The following TRAPPC9 variants were observed in gnomAD, a reference collection of about 807,000 sequenced individuals.
The protein encoded by TRAPPC9 is IKK2 binding protein.
In TRAPPC9, 83 loss-of-function variants were observed where a neutral mutation model predicts 124.0. The observed-to-expected ratio is 0.67, with a 90% confidence interval of 0.56 to 0.80. The LOEUF (loss-of-function observed/expected upper bound fraction) is 0.80. Ranked by LOEUF, TRAPPC9 falls within the 30% of genes least tolerant of loss-of-function variation. TRAPPC9 has a pLI of 0.00. For missense variants in TRAPPC9, 1,302 were observed against 1,508.3 expected (o/e 0.86, Z 2.27); for synonymous variants, 638 against 617.5 (o/e 1.03, Z -0.49).
chr8:140,028,688 G>A (rs982234115), intron 17 of TRAPPC9, among the ~76,000 whole-genome samples: 8 of 152,244 alleles, frequency 5.3e-5, no homozygotes, highest in Non-Finnish European at 1.0e-4. Flanking sequence ...AGAGGAAGAA[G>A]GCACAGTGCC....
intron 17 of TRAPPC9, among the ~76,000 whole-genome samples, chr8:140,090,036 C>T (rs1199965340): frequency 6.6e-6 from 1 of 152,124 alleles, no homozygotes; most frequent in African/African-American, 2.4e-5. Flanking sequence ...GCCGAGTTCA[C>T]ACCACCGCAC....
intron 17 of TRAPPC9, among the ~76,000 whole-genome samples, chr8:140,158,895 T>C (rs1280028948): frequency 1.3e-5 from 2 of 152,224 alleles, no homozygotes; most frequent in Non-Finnish European, 2.9e-5. Flanking sequence ...ACTTAACAAA[T>C]GAGAGCTCAA....
intron 17 of TRAPPC9, among the ~76,000 whole-genome samples, chr8:140,115,355 C>G (rs1386040753): frequency 6.6e-6 from 1 of 151,790 alleles, no homozygotes; most frequent in African/African-American, 2.4e-5. Flanking sequence ...GCAACCTCTG[C>G]CTCCCAGGTT....
intron 19 of TRAPPC9, among the ~76,000 whole-genome samples, chr8:139,928,870 AATG>A (rs1455842563): frequency 6.6e-6 from 1 of 151,602 alleles, no homozygotes; most frequent in East Asian, 1.9e-4. Context: ...GGAGAGGAAG[AATG>A]CATCACAGCC....
chr8:140,190,265 G>T (rs1293128383), intron 17 of TRAPPC9, among the ~76,000 whole-genome samples: 1 of 152,150 alleles, frequency 6.6e-6, no homozygotes, highest in Non-Finnish European at 1.5e-5. Flanking sequence ...AGGCCAGCCT[G>T]ACCAACATGG....
intron 9 of TRAPPC9, among the ~76,000 whole-genome samples, chr8:140,322,539 C>A (rs986194139): frequency 1.3e-5 from 2 of 152,016 alleles, no homozygotes; most frequent in African/African-American, 4.8e-5. Flanking sequence ...CTTAAAAAGC[C>A]AACAGAAGCC....
intron 18 of TRAPPC9, among the ~76,000 whole-genome samples, chr8:139,999,654 A>T (rs1038390415): frequency 1.3e-5 from 2 of 152,180 alleles, no homozygotes; most frequent in Non-Finnish European, 2.9e-5. Flanking sequence ...AACAAGGTAG[A>T]CCACATTCTA....
At chr8:140,419,428 CAAAAAAAAAAAAAA>C (rs61155157) in intron 5 of TRAPPC9, among the ~76,000 whole-genome samples, 1 of 79,590 alleles carries the variant, frequency 1.3e-5, no homozygotes, top group Non-Finnish European at 2.4e-5. Flanking sequence ...GACTCCGTCT[CAAAAAAAAAAAAAA>C]AAAAAAAAAA....
intron 21 of TRAPPC9, among the ~76,000 whole-genome samples, chr8:139,826,521 C>A (rs1393944978): frequency 6.6e-6 from 1 of 152,132 alleles, no homozygotes; most frequent in African/African-American, 2.4e-5. Context: ...AATAAACGCA[C>A]AACTGAATGA....
At chr8:139,890,792 C>T (rs191783410) in intron 20 of TRAPPC9, among the ~76,000 whole-genome samples, 139 of 151,578 alleles carry the variant, frequency 9.2e-4, no homozygotes, top group African/African-American at 3.2e-3. Context: ...CACATGTATA[C>T]GTATGTAACT....
chr8:140,034,649 A>C (rs1344992536), intron 17 of TRAPPC9, among the ~76,000 whole-genome samples: 1 of 152,266 alleles, frequency 6.6e-6, no homozygotes, highest in Non-Finnish European at 1.5e-5. Context: ...CAAATCTCAG[A>C]GAAAGGAGAA....
chr8:140,047,166 TATAGCTCCTCAG>T (rs2132062328), intron 17 of TRAPPC9, among the ~76,000 whole-genome samples: 1 of 152,312 alleles, frequency 6.6e-6, no homozygotes. Flanking sequence ...AGGAGCTAAA[TATAGCTCCTCAG>T]ACTCCAGGGC....
chr8:139,981,910 G>A (rs13261805), intron 19 of TRAPPC9, among the ~76,000 whole-genome samples: 31,228 of 152,184 alleles, frequency 0.21, 3,981 homozygotes, highest in African/African-American at 0.37. Flanking sequence ...CAGCCGCAGC[G>A]TTTGGGTGCT....
At chr8:140,112,309 G>A (rs112194653) in intron 17 of TRAPPC9, among the ~76,000 whole-genome samples, 7 of 149,460 alleles carry the variant, frequency 4.7e-5, no homozygotes, top group Admixed American at 6.6e-5. Flanking sequence ...GGACAGGTGC[G>A]AGGAGAGTAA....
intron 17 of TRAPPC9, among the ~76,000 whole-genome samples, chr8:140,219,565 A>G (rs1000750825): frequency 1.3e-5 from 2 of 152,220 alleles, no homozygotes; most frequent in Admixed American, 1.3e-4. Context: ...CCAGCTTTTC[A>G]GGTCCTTACC....
chr8:139,860,131 T>C (rs1041205661), intron 21 of TRAPPC9, among the ~76,000 whole-genome samples: 11 of 152,176 alleles, frequency 7.2e-5, no homozygotes, highest in Admixed American at 7.2e-4. Flanking sequence ...GGACAGATGT[T>C]TGTGGAGTGA....
rs928065511 is a variant in TRAPPC9 at position 139,763,001 on chromosome 8, C to T, written c.3056-30799G>A. 2.6e-5 allele frequency among the ~76,000 whole-genome samples: 4 copies of T among 152,236 alleles called. No individual in the cohort carries two copies. In the South Asian group the frequency reaches 6.2e-4, roughly 24 times the overall value. Reference sequence around the variant, plus strand: ...AGCTGCAGCCGGGGCAGGGCCAGTGCTCACCCTGGCTTCCTGGAAGTGGGG... The same window carrying T: ...AGCTGCAGCCGGGGCAGGGCCAGTGTTCACCCTGGCTTCCTGGAAGTGGGG... On this transcript the variant is annotated intron_variant, in intron 21 of 22. Transcript: ENST00000438773.
chr8:139,861,007 G>C (rs1259622270), intron 21 of TRAPPC9, among the ~76,000 whole-genome samples: 1 of 152,264 alleles, frequency 6.6e-6, no homozygotes, highest in Non-Finnish European at 1.5e-5. Context: ...CGGCTTTCTG[G>C]CACTTTCCCA....
chr8:140,197,658 T>C (rs960683035), intron 17 of TRAPPC9, among the ~76,000 whole-genome samples: 1 of 152,288 alleles, frequency 6.6e-6, no homozygotes, highest in Middle Eastern at 3.4e-3. Context: ...TGGGCCACAA[T>C]CCAACCCTTA....
Sources: allele counts gnomAD v4.1 joint callset (sites outside exome capture counted in the v4.1 genomes callset), GRCh38; gene constraint gnomAD v4.1.1; transcripts MANE v1.5; gene names NCBI Gene and HGNC (gene_info 2026-07-23, HGNC 2026-07-21).